Variants in ZYG11B observed in about 807,000 individuals in gnomAD.
The protein encoded by ZYG11B is protein zyg-11 homolog B.
ZYG11B carries 36 observed loss-of-function variants against 82.4 expected under a neutral mutation model. The observed-to-expected ratio is 0.44, with a 90% CI of 0.33 to 0.58. The LOEUF (loss-of-function observed/expected upper bound fraction) is 0.58. ZYG11B is among the 20% of genes least tolerant of loss of function. The probability of loss-of-function intolerance (pLI) is 0.02; values close to 1 mark genes in which losing one functional copy is unlikely to be tolerated. For synonymous variants in ZYG11B, 303 were observed against 312.8 expected (o/e 0.97, Z 0.33); for missense variants, 552 against 895.6 (o/e 0.62, Z 4.90).
chr1:52,779,586 G>C (rs529397254), intron 3 of ZYG11B, among the ~76,000 whole-genome samples: 1 of 152,172 alleles, frequency 6.6e-6, no homozygotes, highest in Non-Finnish European at 1.5e-5. Flanking sequence ...CGCCTCCTGG[G>C]TTCAAGCGAT....
intron 3 of ZYG11B, among the ~76,000 whole-genome samples, chr1:52,773,442 C>G (rs1405752844): frequency 7.1e-6 from 1 of 141,702 alleles, no homozygotes; most frequent in East Asian, 2.1e-4. Flanking sequence ...CCACTGCACT[C>G]AAGCCTGGGT....
intron 1 of ZYG11B, among the ~76,000 whole-genome samples, chr1:52,738,642 T>A (rs2149920024): frequency 6.6e-6 from 1 of 151,502 alleles, no homozygotes; most frequent in Admixed American, 6.6e-5. Flanking sequence ...TCACTCTTGT[T>A]ATCAAGGCTG....
In ZYG11B at chr1:52,780,066, G is replaced by A. The variant is rs565740141; in HGVS notation, c.1092+73G>A. The A allele has an allele frequency of 7.6e-4, 1,121 of 1,466,058 alleles. 1 individual carries two copies. The highest frequency in any genetic ancestry group is 9.7e-4 in the Non-Finnish European group (1,054 of 1,082,088). The allele number at this position is 1,466,058 out of a possible 1,614,324, so 90.8% of individuals were successfully genotyped here. A position where few individuals can be genotyped will look rare whatever the true frequency, so the allele number is the denominator to read the frequency against. On this transcript the variant is annotated intron_variant, in intron 4 of 13. Coordinates refer to ENST00000294353, the MANE Select transcript of ZYG11B (RefSeq NM_024646.3). ...GCAGATGATTTTTTGAAGAAAATTG[G>A]TGAAAATTTGCATTTAGTCTTTTTT...
intron 2 of ZYG11B, 85 bp from the exon 3 acceptor site, chr1:52,770,935 C>A (rs555192745): frequency 2.2e-5 from 31 of 1,404,350 alleles, no homozygotes; most frequent in African/African-American, 4.3e-5. Flanking sequence ...TACATGGGAG[C>A]GCTTTGGAAA....
In ZYG11B at chr1:52,785,400, A is replaced by G. The variant is rs961305617; in HGVS notation, c.1269+347A>G. Among the ~76,000 whole-genome samples the G allele has an allele frequency of 6.1e-4, 93 of 152,294 alleles. 2 individuals carry two copies. The highest frequency in any genetic ancestry group is 6.0e-3 in the Admixed American group (92 of 15,304). Reference sequence around the variant, plus strand: ...ATTAAGACATGTCTTTTCCATTTCTAGCAGTATGGTAGAAGATGTAACCTG... The same window carrying G: ...ATTAAGACATGTCTTTTCCATTTCTGGCAGTATGGTAGAAGATGTAACCTG... On this transcript the variant is annotated intron_variant, in intron 5 of 13. Transcript: ENST00000294353.
chr1:52,803,033 C>T (rs1645090907), intron 10 of ZYG11B, among the ~76,000 whole-genome samples: 1 of 138,800 alleles, frequency 7.2e-6, no homozygotes, highest in African/African-American at 2.6e-5. Context: ...AAAAACCCTA[C>T]AACTTTATTT....
At chr1:52,815,615 G>T (rs756819247) in intron 12 of ZYG11B, among the ~76,000 whole-genome samples, 2 of 151,874 alleles carry the variant, frequency 1.3e-5, no homozygotes, top group African/African-American at 2.4e-5. Flanking sequence ...GTGAGACCCT[G>T]TCTCAAATAA....
At chr1:52,791,380 T>A (rs12041095) in intron 6 of ZYG11B, among the ~76,000 whole-genome samples, 20,111 of 152,068 alleles carry the variant, frequency 0.13, 3,104 homozygotes, top group African/African-American at 0.36. Context: ...ATTTTATTTT[T>A]TTTTTGAGAT....
chr1:52,797,401 G>T (rs191947670), intron 8 of ZYG11B, among the ~76,000 whole-genome samples: 11 of 63,270 alleles, frequency 1.7e-4, no homozygotes, highest in Admixed American at 5.2e-4. Context: ...TATCATATAT[G>T]AAATATATAT....
chr1:52,740,947 A>G (rs915232578), intron 1 of ZYG11B, among the ~76,000 whole-genome samples: 2 of 151,774 alleles, frequency 1.3e-5, no homozygotes, highest in Non-Finnish European at 2.9e-5. Flanking sequence ...GATCATCTCT[A>G]AGGTTATAGT....
chr1:52,746,103 G>A lies in ZYG11B; in HGVS notation c.31-10355G>A, dbSNP rs1043123157. ...AGCCTCCTGAGTAGCAACTACAGGC[G>A]CGTGCCACCACGCCCAGCTAATTTT... On this transcript the variant is annotated intron_variant, in intron 1 of 13. Transcript: ENST00000294353. 1.1e-4 allele frequency among the ~76,000 whole-genome samples: 17 copies of A among 151,722 alleles called. 1 individual carries two copies. The highest frequency in any genetic ancestry group is 3.1e-4 in the African/African-American group (13 of 41,274).
At position 52,746,687 on chromosome 1, in the gene ZYG11B, G is replaced by GTTTTTTTTTTTTTTTT. The variant is rs11446988; in HGVS notation, c.31-9759_31-9744dup. Among the ~76,000 whole-genome samples, 68 of 33,508 alleles carry GTTTTTTTTTTTTTTTT rather than the reference G, an allele frequency of 2.0e-3. 8 individuals carry two copies. The highest frequency in any genetic ancestry group is 2.8e-3 in the Admixed American group (5 of 1,780). The allele number at this position is 33,508 out of a possible 152,430, so 22.0% of individuals were successfully genotyped here. A position where few individuals can be genotyped will look rare whatever the true frequency, so the allele number is the denominator to read the frequency against. On this transcript the variant is annotated intron_variant, in intron 1 of 13. Transcript: ENST00000294353. ...ACCAAAAAAATAAAGATCGGCCACT[G>GTTTTTTTTTTTTTTTT]TTTTTTTTTTTTTTTTTTTTTTTTT...
intron 10 of ZYG11B, among the ~76,000 whole-genome samples, chr1:52,812,640 G>C (rs956563142): frequency 6.6e-6 from 1 of 150,990 alleles, no homozygotes; most frequent in African/African-American, 2.4e-5. Flanking sequence ...CCTGACCTCA[G>C]GTGATCTGCC....
chr1:52,758,526 G>A (rs1185321978), intron 2 of ZYG11B, among the ~76,000 whole-genome samples: 9 of 152,058 alleles, frequency 5.9e-5, no homozygotes, highest in Non-Finnish European at 1.3e-4. Flanking sequence ...ATATATGCTC[G>A]TTCCACTGTG....
intron 3 of ZYG11B, among the ~76,000 whole-genome samples, chr1:52,775,652 C>T (rs774942595): frequency 4.0e-5 from 6 of 151,704 alleles, no homozygotes; most frequent in Admixed American, 6.6e-5. Flanking sequence ...CATTGTGGCA[C>T]TGCACTCCAG....
intron 2 of ZYG11B, among the ~76,000 whole-genome samples, chr1:52,764,052 A>T (rs1644659108): frequency 6.6e-6 from 1 of 152,164 alleles, no homozygotes; most frequent in Non-Finnish European, 1.5e-5. Context: ...CCTTGTATTT[A>T]TGCATCTGTA....
At chr1:52,794,897 A>C (rs2149953473) in intron 6 of ZYG11B, among the ~76,000 whole-genome samples, 1 of 152,256 alleles carries the variant, frequency 6.6e-6, no homozygotes, top group South Asian at 2.1e-4. Flanking sequence ...TCTCTCCTGA[A>C]TTACTGCAGT....
chr1:52,770,492 T>C (rs1036727565), intron 2 of ZYG11B, among the ~76,000 whole-genome samples: 8 of 152,200 alleles, frequency 5.3e-5, no homozygotes, highest in African/African-American at 1.9e-4. Context: ...TATACCTCAC[T>C]TGTGGTACAT....
chr1:52,742,625 G>T (rs959624031), intron 1 of ZYG11B, among the ~76,000 whole-genome samples: 1 of 152,142 alleles, frequency 6.6e-6, no homozygotes, highest in East Asian at 1.9e-4. Context: ...GGCGGATCAC[G>T]AGGTCAGGAG....
Sources: allele counts gnomAD v4.1 joint callset (sites outside exome capture counted in the v4.1 genomes callset), GRCh38; gene constraint gnomAD v4.1.1; transcripts MANE v1.5; gene names NCBI Gene and HGNC (gene_info 2026-07-23, HGNC 2026-07-21).